BACH2: variants seen among roughly 807,000 people sequenced by gnomAD.
The protein encoded by BACH2 is transcription regulator protein BACH2.
In BACH2, 5 loss-of-function variants were observed where a neutral mutation model predicts 61.8. That is an observed-to-expected ratio of 0.08 (90% confidence interval 0.04 to 0.17). BACH2 has a LOEUF of 0.17. BACH2 is among the 10% of genes least tolerant of loss of function. The pLI, the probability that BACH2 is intolerant of heterozygous loss-of-function variation, is 1.00. For synonymous variants in BACH2, 446 were observed against 440.1 expected (o/e 1.01, Z -0.17); for missense variants, 824 against 1,091.1 (o/e 0.76, Z 3.45).
chr6:90,165,333 C>T (rs1288240272), intron 4 of BACH2, among the ~76,000 whole-genome samples: 1 of 152,144 alleles, frequency 6.6e-6, no homozygotes, highest in Non-Finnish European at 1.5e-5. Context: ...GAATAAAATA[C>T]TCAGGAATCC....
At chr6:90,040,328 CT>C (rs1779472227) in intron 5 of BACH2, among the ~76,000 whole-genome samples, 1 of 152,046 alleles carries the variant, frequency 6.6e-6, no homozygotes, top group Non-Finnish European at 1.5e-5. Context: ...ATTGAACATC[CT>C]TTTTTATCAC....
chr6:90,163,946 C>T (rs1456648008), intron 4 of BACH2, among the ~76,000 whole-genome samples: 1 of 152,044 alleles, frequency 6.6e-6, no homozygotes, highest in African/African-American at 2.4e-5. Context: ...TACTGTGATG[C>T]CCACAAGAGA....
chr6:90,064,634 G>T (rs1274598253), intron 5 of BACH2, among the ~76,000 whole-genome samples: 1 of 152,142 alleles, frequency 6.6e-6, no homozygotes, highest in Non-Finnish European at 1.5e-5. Flanking sequence ...GGCTTGAAAA[G>T]TCCAGCTAAT....
intron 2 of BACH2, among the ~76,000 whole-genome samples, chr6:90,253,871 A>T (rs1582535978): frequency 6.6e-6 from 1 of 151,210 alleles, no homozygotes; most frequent in South Asian, 2.1e-4. Flanking sequence ...ACATAGTCAT[A>T]AATGAAAACA....
intron 5 of BACH2, among the ~76,000 whole-genome samples, chr6:90,069,942 G>C (rs555337716): frequency 5.3e-5 from 8 of 152,278 alleles, no homozygotes; most frequent in African/African-American, 1.7e-4. Flanking sequence ...CGGAGAACTT[G>C]ACTGGCAGAG....
chr6:90,128,233 T>C (rs1783939423), intron 4 of BACH2, among the ~76,000 whole-genome samples: 2 of 152,224 alleles, frequency 1.3e-5, no homozygotes, highest in African/African-American at 2.4e-5. Context: ...ATTTAAGGTA[T>C]TCATCCTACT....
Position 89,990,456 on chromosome 6 carries a change from C to T in BACH2, c.243+18146G>A, listed in dbSNP as rs1776481265. On this transcript the variant is annotated intron_variant, in intron 6 of 8. Transcript: ENST00000257749. ...CCTACTCATCTTGCCATCCACCTAC[C>T]CAACCCTGTGTCTCCTCTCCCAGAC... is the stretch of plus-strand genomic sequence containing the variant. 2.6e-5 allele frequency among the ~76,000 whole-genome samples: 4 copies of T among 152,140 alleles called. No individual in the cohort carries two copies. In the South Asian group the frequency reaches 8.3e-4, roughly 32 times the overall value.
At chr6:90,033,168 G>A (rs1582235773) in intron 5 of BACH2, among the ~76,000 whole-genome samples, 1 of 151,876 alleles carries the variant, frequency 6.6e-6, no homozygotes, top group African/African-American at 2.4e-5. Context: ...GAGAACATAT[G>A]GACACAGGAA....
chr6:90,226,808 T>C (rs972568543), intron 3 of BACH2, among the ~76,000 whole-genome samples: 3 of 152,142 alleles, frequency 2.0e-5, no homozygotes, highest in Non-Finnish European at 4.4e-5. Context: ...ACAACAATAA[T>C]ATATTAACTT....
Position 90,079,138 on chromosome 6 carries a change from C to T in BACH2, c.-13+9823G>A, listed in dbSNP as rs187495131. ...CTTTGGTGTTTCTTCTAGCCACAAA[C>T]GGACACGTTATCACTTACTGTGGTT... On this transcript the variant is annotated intron_variant, in intron 5 of 8. Coordinates refer to ENST00000257749, the MANE Select transcript of BACH2 (RefSeq NM_021813.4). Among the ~76,000 whole-genome samples the T allele has an allele frequency of 1.6e-4, 25 of 152,296 alleles. No homozygotes were observed. In the East Asian group the frequency reaches 4.1e-3, roughly 25 times the overall value.
intron 6 of BACH2, among the ~76,000 whole-genome samples, chr6:89,962,426 C>T (rs932048265): frequency 1.1e-4 from 16 of 152,136 alleles, no homozygotes; most frequent in Non-Finnish European, 7.3e-5. Flanking sequence ...TCTTTACGCT[C>T]CAAAGAGAAC....
chr6:89,956,425 C>T (rs549017854), intron 6 of BACH2, among the ~76,000 whole-genome samples: 1 of 152,256 alleles, frequency 6.6e-6, no homozygotes, highest in South Asian at 2.1e-4. Flanking sequence ...GCCAGGGTAC[C>T]GTGTCCGATG....
intron 4 of BACH2, among the ~76,000 whole-genome samples, chr6:90,196,741 G>C (rs1768773581): frequency 6.6e-6 from 1 of 151,702 alleles, no homozygotes; most frequent in African/African-American, 2.4e-5. Context: ...GGTTAGGGTT[G>C]GTTATCTTAA....
chr6:89,977,225 T>C (rs1775700270), intron 6 of BACH2, among the ~76,000 whole-genome samples: 1 of 152,202 alleles, frequency 6.6e-6, no homozygotes, highest in African/African-American at 2.4e-5. Flanking sequence ...CATATATTCA[T>C]TATTGGGACT....
intron 4 of BACH2, among the ~76,000 whole-genome samples, chr6:90,200,837 A>G (rs1464028881): frequency 6.6e-6 from 1 of 152,168 alleles, no homozygotes; most frequent in African/African-American, 2.4e-5. Context: ...TAATTAGTAT[A>G]TTTTATTTAA....
chr6:90,228,802 G>A (rs980089674), intron 3 of BACH2, among the ~76,000 whole-genome samples: 6 of 152,196 alleles, frequency 3.9e-5, no homozygotes, highest in Admixed American at 3.9e-4. Context: ...AAATAAGAGA[G>A]TCAAATGAGG....
chr6:90,129,845 T>C (rs1038872967), intron 4 of BACH2, among the ~76,000 whole-genome samples: 48 of 151,686 alleles, frequency 3.2e-4, no homozygotes, highest in Middle Eastern at 3.4e-3. Flanking sequence ...AAGTTGCTTA[T>C]CAGTTCAAGA....
At chr6:90,282,808 A>G (rs1198435101) in intron 1 of BACH2, among the ~76,000 whole-genome samples, 1 of 151,498 alleles carries the variant, frequency 6.6e-6, no homozygotes, top group Non-Finnish European at 1.5e-5. Context: ...GCCAGCATCA[A>G]TTATTTTTTG....
intron 4 of BACH2, among the ~76,000 whole-genome samples, chr6:90,137,483 A>T (rs1784309201): frequency 6.6e-6 from 1 of 152,214 alleles, no homozygotes; most frequent in Non-Finnish European, 1.5e-5. Context: ...GGAGAATTGG[A>T]TCTAACTAGT....
Sources: allele counts gnomAD v4.1 joint callset (sites outside exome capture counted in the v4.1 genomes callset), GRCh38; gene constraint gnomAD v4.1.1; transcripts MANE v1.5; gene names NCBI Gene and HGNC (gene_info 2026-07-23, HGNC 2026-07-21).